The following SAFB variants were observed in gnomAD, a reference collection of about 807,000 sequenced individuals.
SAFB encodes scaffold attachment factor B, also known as scaffold attachment factor B1.
A neutral mutation model predicts 101.6 loss-of-function variants in SAFB; 15 were observed. That is an observed-to-expected ratio of 0.15 (90% CI 0.10 to 0.23). SAFB has a LOEUF of 0.23. Among genes scored for constraint, SAFB ranks in the 10% least tolerant of loss-of-function variants. SAFB has a pLI of 1.00. For synonymous variants in SAFB, 449 were observed against 407.5 expected (o/e 1.10, Z -1.23); for missense variants, 930 against 1,104.1 (o/e 0.84, Z 2.23).
chr19:5,634,144 C>T (rs1208063919), intron 2 of SAFB, among the ~76,000 whole-genome samples: 2 of 152,052 alleles, frequency 1.3e-5, no homozygotes, highest in Admixed American at 1.3e-4. Context: ...TTTTCAAGTC[C>T]TGCGAAATCA....
intron 2 of SAFB, among the ~76,000 whole-genome samples, chr19:5,631,307 T>C (rs1253103474): frequency 3.3e-5 from 5 of 152,248 alleles, no homozygotes; most frequent in South Asian, 2.1e-4. Flanking sequence ...TCACCAGATA[T>C]TAGTTTTACC....
rs1441952640 is a variant in SAFB, at chr19:5,645,412, A to G, written c.609+13A>G. The G allele has an allele frequency of 2.4e-6, 3 of 1,236,452 alleles. No individual in the cohort carries two copies. Among genetic ancestry groups the G allele is most frequent in the Admixed American group, 1.7e-5 (1 of 58,304 alleles). The allele number at this position is 1,236,452 out of a possible 1,614,324, so 76.6% of individuals were successfully genotyped here. ...CACTATATTACAGGTAAACTGTTGTATGTCTCAGTACTTTTAGAATGAAAG... is the reference window on the plus strand; with the variant it reads ...CACTATATTACAGGTAAACTGTTGTGTGTCTCAGTACTTTTAGAATGAAAG... On this transcript the variant is annotated intron_variant, in intron 5 of 20. Transcript: ENST00000588852.
intron 2 of SAFB, among the ~76,000 whole-genome samples, chr19:5,638,314 A>C (rs2053634935): frequency 6.6e-6 from 1 of 151,638 alleles, no homozygotes; most frequent in South Asian, 2.1e-4. Flanking sequence ...AAATTACTAA[A>C]CTCTTTTTAT....
chr19:5,643,408 A>G (rs1254750334), intron 4 of SAFB, among the ~76,000 whole-genome samples: 1 of 152,198 alleles, frequency 6.6e-6, no homozygotes, highest in African/African-American at 2.4e-5. Flanking sequence ...GATTCCAAGT[A>G]TCCTTAGAGG....
chr19:5,656,862 C>T (rs2054074524), intron 13 of SAFB, among the ~76,000 whole-genome samples: 2 of 151,996 alleles, frequency 1.3e-5, no homozygotes, highest in South Asian at 4.1e-4. Context: ...GCTCTGCCTC[C>T]CGGGTTCACG....
At chr19:5,666,735 T>A (rs2054334491) in intron 17 of SAFB, 2 of 418,648 alleles carry the variant, frequency 4.8e-6, no homozygotes. Flanking sequence ...ACCCAGGGAA[T>A]CTCTCTTGTA....
Position 5,641,626 on chromosome 19 carries a change from A to G in SAFB, c.307A>G (p.Asn103Asp). The G allele has an allele frequency of 6.2e-7, 1 of 1,614,112 alleles. No individual in the cohort carries two copies. The stretch of plus-strand genomic sequence containing the variant: ...ACCAGAAGAAGAGGGTGTGGAAGAT[A>G]ACGGGCTGGAGGAAAACTCTGGGGA... The part of the protein sequence containing the change: ...RKPEEEGVED[N>D]GLEENSGDGQ... The change falls in exon 3 of 21, where the codon AAC (asparagine) becomes GAC (aspartate). Residue 103 changes from asparagine (N) to aspartate (D), a missense_variant. Asn to Asp is a conservative substitution (Grantham distance 23, BLOSUM62 1). This residue lies in a region of SAFB where 119 missense variants were observed against 171.4 expected (regional missense o/e 0.69). Transcript: ENST00000588852.
chr19:5,647,931 C>T, intron 5 of SAFB, 85 bp from the exon 6 acceptor site: 2 of 1,240,494 alleles, frequency 1.6e-6, no homozygotes, highest in Non-Finnish European at 2.4e-6. Flanking sequence ...TTTAAAATTC[C>T]CTCTTTAGTT....
At chr19:5,630,654 G>A (rs1395565028) in intron 2 of SAFB, among the ~76,000 whole-genome samples, 1 of 151,532 alleles carries the variant, frequency 6.6e-6, no homozygotes, top group East Asian at 2.0e-4. Context: ...TACTTGAGAG[G>A]CTGAGGCAGG....
chr19:5,623,530 G>A (rs2053245244), intron 1 of SAFB, 136 bp downstream of exon 1: 1 of 686,614 alleles, frequency 1.5e-6, no homozygotes, highest in Non-Finnish European at 2.3e-6. Context: ...GCGTCCCCCG[G>A]CTCCTCCGAG....
chr19:5,644,823 A>G (rs1039297478), intron 4 of SAFB, among the ~76,000 whole-genome samples: 2 of 152,224 alleles, frequency 1.3e-5, no homozygotes, highest in Non-Finnish European at 2.9e-5. Context: ...AGTAGGGCAT[A>G]GGATATTGCC....
At chr19:5,626,214 A>C (rs995055342) in intron 1 of SAFB, among the ~76,000 whole-genome samples, 191 bp from the exon 2 acceptor site, 5 of 152,098 alleles carry the variant, frequency 3.3e-5, no homozygotes, top group African/African-American at 1.2e-4. Flanking sequence ...CCAGCTAAGA[A>C]CTGGTGGCGT....
intron 6 of SAFB, 80 bp from the exon 7 acceptor site, chr19:5,648,909 C>T (rs1057042389): frequency 1.8e-5 from 7 of 392,114 alleles, no homozygotes; most frequent in African/African-American, 6.8e-5. Flanking sequence ...GTGTGGCAGC[C>T]GTGCCAGTTC....
At chr19:5,653,842 C>T (rs1339099014) in intron 11 of SAFB, among the ~76,000 whole-genome samples, 1 of 151,972 alleles carries the variant, frequency 6.6e-6, no homozygotes, top group Non-Finnish European at 1.5e-5. Flanking sequence ...CATTGAACCT[C>T]CACCTCCCTG....
At chr19:5,661,871 C>G in intron 15 of SAFB, 63 bp downstream of exon 15, 1 of 1,161,432 alleles carries the variant, frequency 8.6e-7, no homozygotes. Context: ...ACCTCACAGT[C>G]CAGTTAGCTT....
intron 2 of SAFB, among the ~76,000 whole-genome samples, chr19:5,641,149 C>T (rs567902332): frequency 1.3e-5 from 2 of 152,288 alleles, no homozygotes; most frequent in East Asian, 3.9e-4. Flanking sequence ...GGATTACAGG[C>T]GTAAGCCATC....
chr19:5,632,621 T>TA (rs2053514204), intron 2 of SAFB, among the ~76,000 whole-genome samples: 1 of 152,240 alleles, frequency 6.6e-6, no homozygotes, highest in African/African-American at 2.4e-5. Context: ...CTTGAACACT[T>TA]ACACTTATTT....
At chr19:5,651,447 G>C (rs532403657) in intron 9 of SAFB, among the ~76,000 whole-genome samples, 1 of 152,312 alleles carries the variant, frequency 6.6e-6, no homozygotes, top group Non-Finnish European at 1.5e-5. Flanking sequence ...CTGGAACTCA[G>C]AACTCAGAAC....
At chr19:5,641,227 T>C (rs956930204) in intron 2 of SAFB, among the ~76,000 whole-genome samples, 6 of 152,228 alleles carry the variant, frequency 3.9e-5, no homozygotes, top group African/African-American at 1.4e-4. Context: ...GCAGTTTCTG[T>C]GGGAAAACAT....
Sources: allele counts gnomAD v4.1 joint callset (sites outside exome capture counted in the v4.1 genomes callset), GRCh38; gene constraint gnomAD v4.1.1; regional missense constraint gnomAD v4.1.1; transcripts MANE v1.5; gene names NCBI Gene and HGNC (gene_info 2026-07-23, HGNC 2026-07-21).